Variants in MAGED1 observed in about 807,000 individuals in gnomAD.
The protein encoded by MAGED1 is melanoma-associated antigen D1.
MAGED1 carries 3 observed loss-of-function variants against 54.1 expected under a neutral mutation model. The ratio of observed to expected loss-of-function variants is 0.06; its 90% CI spans 0.03 to 0.14. The LOEUF is 0.14. Ranked by LOEUF, MAGED1 falls within the 10% of genes least tolerant of loss-of-function variation. MAGED1 has a pLI of 1.00. For missense variants in MAGED1, 485 were observed against 623.4 expected (o/e 0.78, Z 2.36); for synonymous variants, 217 against 227.3 (o/e 0.95, Z 0.41).
intron 1 of MAGED1, among the ~76,000 whole-genome samples, chrX:51,807,193 G>A (rs902429026): frequency 1.8e-5 from 2 of 111,539 alleles, no homozygotes; most frequent in Admixed American, 9.5e-5. Context: ...GTTTTATTTC[G>A]CATTTCTCTG....
intron 1 of MAGED1, among the ~76,000 whole-genome samples, chrX:51,870,032 G>A: frequency 9.0e-6 from 1 of 110,863 alleles, no homozygotes; most frequent in Admixed American, 9.6e-5. Context: ...CACCGTGCTG[G>A]GCTAGGATCT....
intron 2 of MAGED1, 52 bp from the exon 3 acceptor site, chrX:51,895,001 C>T: frequency 9.4e-7 from 1 of 1,068,603 alleles, no homozygotes; most frequent in Non-Finnish European, 1.3e-6. Context: ...TCCCACCCCA[C>T]CTCCTGCCTC....
At chrX:51,855,442 A>G (rs1338261677) in intron 1 of MAGED1, among the ~76,000 whole-genome samples, 3 of 111,189 alleles carry the variant, frequency 2.7e-5, no homozygotes, top group South Asian at 3.9e-4. Flanking sequence ...CTTAAACAAT[A>G]GAAATTTATT....
intron 1 of MAGED1, among the ~76,000 whole-genome samples, chrX:51,861,591 C>T (rs1927281380): frequency 8.9e-6 from 1 of 112,115 alleles, no homozygotes; most frequent in Non-Finnish European, 1.9e-5. Context: ...AAACATTGTT[C>T]ACTAAAGAGA....
At chrX:51,891,990 T>C (rs1273888014), upstream of MAGED1, among the ~76,000 whole-genome samples, 3 of 112,170 alleles carry the variant, frequency 2.7e-5, no homozygotes, top group Non-Finnish European at 3.8e-5. Context: ...AGGAAAGTCA[T>C]CCAGCCAGGC....
At chrX:51,824,704 CTGTGTGTGTGTGTGTG>C (rs149180361) in intron 1 of MAGED1, among the ~76,000 whole-genome samples, 1 of 90,418 alleles carries the variant, frequency 1.1e-5, no homozygotes, top group Non-Finnish European at 2.1e-5. Context: ...TATATTGTCT[CTGTGTGTGTGTGTGTG>C]TGTGTGTGTG....
chrX:51,901,519 T>C (rs782302448), intron 11 of MAGED1, 34 bp from the exon 12 acceptor site: 8 of 1,123,885 alleles, frequency 7.1e-6, no homozygotes, highest in Non-Finnish European at 9.4e-6. Context: ...CTATTGTAAA[T>C]GGATTTTGTT....
chrX:51,826,060 T>C (rs1347717493), intron 1 of MAGED1, among the ~76,000 whole-genome samples: 2 of 112,637 alleles, frequency 1.8e-5, no homozygotes, highest in Non-Finnish European at 3.7e-5. Flanking sequence ...ATGTAGTTCT[T>C]TGACAGCACA....
At chrX:51,872,794 T>C (rs782698686) in intron 1 of MAGED1, among the ~76,000 whole-genome samples, 12 of 112,294 alleles carry the variant, frequency 1.1e-4, no homozygotes, top group Non-Finnish European at 2.3e-4. Flanking sequence ...CATGACAGTT[T>C]ACAAATGCCA....
chrX:51,825,117 T>C (rs1232222863), intron 1 of MAGED1, among the ~76,000 whole-genome samples: 3 of 110,675 alleles, frequency 2.7e-5, no homozygotes, highest in African/African-American at 9.9e-5. Context: ...GGGAGATGTG[T>C]TGACAGGCTT....
intron 1 of MAGED1, among the ~76,000 whole-genome samples, chrX:51,847,091 A>G (rs1926714243): frequency 8.9e-6 from 1 of 112,560 alleles, no homozygotes; most frequent in African/African-American, 3.2e-5. Context: ...TCAAACCTAT[A>G]GAAAAGAATC....
intron 1 of MAGED1, among the ~76,000 whole-genome samples, chrX:51,850,526 C>T (rs1926849197): frequency 8.9e-6 from 1 of 111,781 alleles, no homozygotes; most frequent in South Asian, 3.8e-4. Context: ...TGTATTATTT[C>T]CACTGGTCAA....
chrX:51,877,024 G>A (rs1557362073), intron 1 of MAGED1, among the ~76,000 whole-genome samples: 1 of 110,463 alleles, frequency 9.1e-6, no homozygotes, highest in Non-Finnish European at 1.9e-5. Flanking sequence ...TTTCTGAATT[G>A]TTTTCTAGTA....
rs1388327925 is a variant in MAGED1 at position 51,901,910 on chromosome X, G to A, written c.2317G>A (p.Gly773Ser). 8.3e-7 allele frequency: 1 copy of A among 1,204,775 alleles called. No individual in the cohort carries two copies. Among genetic ancestry groups the A allele is most frequent in the Non-Finnish European group, 1.1e-6 (1 of 893,366 alleles). ...ANFAANFGAI[G>S]FFWVE is the part of the protein sequence containing the mutation. ...CTTCGCTGCCAACTTTGGTGCCATT[G>A]GTTTCTTCTGGGTTGAGTGAGATGT... The change falls in exon 12 of 13, where the codon GGT becomes AGT. Residue 773 changes from glycine (G) to serine (S), a missense_variant. Gly to Ser is a moderately conservative substitution (Grantham distance 56). Transcript: ENST00000326587.
chrX:51,835,765 C>CT (rs1926224042), intron 1 of MAGED1, among the ~76,000 whole-genome samples: 2 of 111,480 alleles, frequency 1.8e-5, no homozygotes, highest in Non-Finnish European at 3.8e-5. Context: ...CTGCCTTCCT[C>CT]TCCCGGGACT....
intron 1 of MAGED1, among the ~76,000 whole-genome samples, chrX:51,837,727 T>A: frequency 8.9e-6 from 1 of 112,273 alleles, no homozygotes; most frequent in Non-Finnish European, 1.9e-5. Context: ...TTATCCCCAC[T>A]TCACATATGA....
rs185167275 is a variant in MAGED1 at position 51,839,515 on chromosome X, A to T, written c.-37+36398A>T. Among the ~76,000 whole-genome samples, 23 of 111,835 alleles carry T rather than the reference A, an allele frequency of 2.1e-4. No homozygotes were observed. In the East Asian group the frequency reaches 6.4e-3, roughly 31 times the overall value. ...TAAGAGAAAACTGTTTTATAAGAAA[A>T]TATGTATGCTTCTGTCTCTATTATT... is the stretch of plus-strand genomic sequence containing the variant. On this transcript the variant is annotated intron_variant, in intron 1 of 12. Transcript: ENST00000375772.
intron 1 of MAGED1, among the ~76,000 whole-genome samples, chrX:51,869,631 G>A (rs1290397967): frequency 9.0e-6 from 1 of 110,697 alleles, no homozygotes; most frequent in African/African-American, 3.3e-5. Context: ...CAGTTTGGGA[G>A]GCCGAGGCAG....
intron 1 of MAGED1, among the ~76,000 whole-genome samples, chrX:51,824,469 G>A (rs1557356789): frequency 9.1e-6 from 1 of 110,199 alleles, no homozygotes; most frequent in Non-Finnish European, 1.9e-5. Flanking sequence ...TTGGCTTTCA[G>A]TATTTTTATT....
Sources: gnomAD v4.1 joint callset for allele counts (sites outside exome capture counted in the v4.1 genomes callset) on GRCh38, gnomAD v4.1.1 for gene constraint, MANE v1.5 for transcripts, NCBI Gene and HGNC (gene_info 2026-07-23, HGNC 2026-07-21) for gene names.